Variants in DPY19L3 observed in about 807,000 individuals in gnomAD.
DPY19L3 encodes protein C-mannosyl-transferase DPY19L3.
In DPY19L3, 51 loss-of-function variants were observed where a neutral mutation model predicts 92.3. That is an observed-to-expected ratio of 0.55 (90% CI 0.44 to 0.70). The LOEUF (loss-of-function observed/expected upper bound fraction) is 0.70, where lower values mean the gene tolerates loss of function less well. Ranked by LOEUF, DPY19L3 falls within the 30% of genes least tolerant of loss-of-function variation. DPY19L3 has a pLI of 0.00. For synonymous variants in DPY19L3, 309 were observed against 315.2 expected, an observed-to-expected ratio of 0.98 and a Z score of 0.21; for missense variants, 706 against 855.9, an observed-to-expected ratio of 0.82 and a Z score of 2.18.
chr19:32,413,045 A>G (rs1968247087), intron 3 of DPY19L3: 1 of 152,118 alleles, frequency 6.6e-6, no homozygotes, highest in Non-Finnish European at 1.5e-5. Flanking sequence ...CATTGTTTTC[A>G]GAACTCGTAT....
Position 32,480,386 on chromosome 19 carries a change from T to A in DPY19L3, c.1831-13T>A. 6.2e-7 allele frequency: 1 copy of A among 1,600,286 alleles called. No individual in the cohort carries two copies. The highest frequency in any genetic ancestry group is 8.5e-7 in the Non-Finnish European group (1 of 1,174,550). ...TAGCATTTGCCACATTGCATTTTTA[T>A]GTCTTTTTGAAGGTTTATCAGATAT... On this transcript the variant is annotated splice_polypyrimidine_tract_variant and intron_variant, in intron 17 of 18. Coordinates refer to ENST00000392250, the MANE Select transcript of DPY19L3 (RefSeq NM_001172774.2).
intron 8 of DPY19L3, among the ~76,000 whole-genome samples, chr19:32,445,067 C>A (rs538178579): frequency 6.8e-6 from 1 of 146,834 alleles, no homozygotes; most frequent in South Asian, 2.2e-4. Flanking sequence ...CAGAGCAAGA[C>A]CCAGTCTCAA....
At chr19:32,448,067 G>T (rs533085468) in intron 8 of DPY19L3, among the ~76,000 whole-genome samples, 17 of 152,202 alleles carry the variant, frequency 1.1e-4, no homozygotes, top group African/African-American at 4.1e-4. Flanking sequence ...TGTTATGTAC[G>T]TGTAACGAAA....
At chr19:32,454,301 G>C (rs1039290229) in intron 9 of DPY19L3, among the ~76,000 whole-genome samples, 1 of 152,138 alleles carries the variant, frequency 6.6e-6, no homozygotes, top group Non-Finnish European at 1.5e-5. Context: ...AGGGCCAGGC[G>C]TGGTGGCTCA....
At chr19:32,451,958 C>G (rs1012292641) in intron 8 of DPY19L3, among the ~76,000 whole-genome samples, 2 of 151,956 alleles carry the variant, frequency 1.3e-5, no homozygotes, top group African/African-American at 4.8e-5. Context: ...CCTCAGCCTC[C>G]TGAGTAGCTG....
At chr19:32,455,254 C>A (rs955971819) in intron 10 of DPY19L3, among the ~76,000 whole-genome samples, 3 of 152,134 alleles carry the variant, frequency 2.0e-5, no homozygotes, top group Non-Finnish European at 4.4e-5. Context: ...ACCACCACAC[C>A]TGGCTTCTTT....
At chr19:32,430,895 A>G (rs527359631) in intron 3 of DPY19L3, among the ~76,000 whole-genome samples, 9 of 150,532 alleles carry the variant, frequency 6.0e-5, no homozygotes, top group African/African-American at 2.2e-4. Context: ...CCCAAAGTGC[A>G]TGGCTATAGG....
At chr19:32,435,589 AG>A (rs1293395552) in intron 4 of DPY19L3, among the ~76,000 whole-genome samples, 3 of 152,208 alleles carry the variant, frequency 2.0e-5, no homozygotes, top group African/African-American at 7.2e-5. Context: ...TGTAGTATAT[AG>A]GAGTCTACTT....
chr19:32,422,109 TAAGG>T (rs1210207384), intron 3 of DPY19L3, among the ~76,000 whole-genome samples: 4 of 151,984 alleles, frequency 2.6e-5, no homozygotes, highest in Admixed American at 6.6e-5. Context: ...ACATAACTGA[TAAGG>T]AAGGAACTGG....
At chr19:32,467,108 A>G (rs1371082481) in intron 15 of DPY19L3, among the ~76,000 whole-genome samples, 1 of 152,230 alleles carries the variant, frequency 6.6e-6, no homozygotes, top group Non-Finnish European at 1.5e-5. Context: ...CGAAGTCAAG[A>G]CTTTAGTAAA....
At chr19:32,460,487 A>C (rs1970002757) in intron 12 of DPY19L3, among the ~76,000 whole-genome samples, 1 of 152,218 alleles carries the variant, frequency 6.6e-6, no homozygotes, top group African/African-American at 2.4e-5. Flanking sequence ...TGGAGCTTGC[A>C]GGACTGGAAG....
intron 9 of DPY19L3, 29 bp from the exon 10 acceptor site, chr19:32,454,909 GA>G: frequency 7.3e-7 from 1 of 1,376,714 alleles, no homozygotes; most frequent in Non-Finnish European, 1.0e-6. Flanking sequence ...TAAAACTTAA[GA>G]ATTAAAACAT....
chr19:32,459,054 G>A (rs1032229539), intron 12 of DPY19L3, among the ~76,000 whole-genome samples: 1 of 151,982 alleles, frequency 6.6e-6, no homozygotes, highest in African/African-American at 2.4e-5. Flanking sequence ...TTGCTCATTT[G>A]TTTTCTTGCA....
chr19:32,407,073 A>G (rs935234227), intron 1 of DPY19L3, among the ~76,000 whole-genome samples: 3 of 151,908 alleles, frequency 2.0e-5, no homozygotes, highest in East Asian at 3.9e-4. Context: ...CTGTAGAGCA[A>G]GTTACCCTTA....
At chr19:32,446,711 G>T (rs986019882) in intron 8 of DPY19L3, among the ~76,000 whole-genome samples, 3 of 152,198 alleles carry the variant, frequency 2.0e-5, no homozygotes, top group Non-Finnish European at 2.9e-5. Flanking sequence ...ACTGCAACGT[G>T]TGTGGGGCAA....
intron 11 of DPY19L3, 22 bp downstream of exon 11, chr19:32,458,195 A>T (rs563078077): frequency 5.0e-6 from 8 of 1,604,764 alleles, no homozygotes; most frequent in Non-Finnish European, 6.0e-6. Flanking sequence ...TTGAAAGTCT[A>T]TGTTTGCTAT....
intron 8 of DPY19L3, 37 bp downstream of exon 8, chr19:32,439,947 C>A: frequency 6.2e-7 from 1 of 1,605,988 alleles, no homozygotes. Flanking sequence ...GAGATTTTGG[C>A]CATTTAGTGT....
At position 32,436,466 on chromosome 19, in the gene DPY19L3, G is replaced by T; in HGVS notation, c.349G>T (p.Asp117Tyr). Residue 117 changes from aspartate (D) to tyrosine (Y), a missense_variant, in exon 5 of 19, where the codon GAT becomes TAT. Physicochemically the swap from Asp to Tyr is radical, Grantham distance 160. Transcript: ENST00000392250. ...LVQGFHGLIY[D>Y]NKTESMKTIN... is the part of the protein sequence containing the mutation. The stretch of plus-strand genomic sequence containing the variant: ...TATAGGTTTTCATGGCCTAATATAT[G>T]ATAATAAAACTGAATCTATGAAGAC... 6.5e-7 allele frequency: 1 copy of T among 1,538,692 alleles called. No homozygotes were observed. Among genetic ancestry groups the T allele is most frequent in the South Asian group, 1.2e-5 (1 of 83,888 alleles).
At chr19:32,461,354 G>GTGTT (rs1970035314) in intron 12 of DPY19L3, among the ~76,000 whole-genome samples, 1 of 152,266 alleles carries the variant, frequency 6.6e-6, no homozygotes, top group African/African-American at 2.4e-5. Flanking sequence ...AAGGGGCATG[G>GTGTT]TGTTCTGTGT....
Sources: allele counts gnomAD v4.1 joint callset (sites outside exome capture counted in the v4.1 genomes callset), GRCh38; gene constraint gnomAD v4.1.1; transcripts MANE v1.5; gene names NCBI Gene and HGNC (gene_info 2026-07-23, HGNC 2026-07-21).